NTNG1: variants seen among roughly 807,000 people sequenced by gnomAD.
NTNG1 encodes netrin-G1.
In NTNG1, 16 loss-of-function variants were observed where a neutral mutation model predicts 54.0. The ratio of observed to expected loss-of-function variants is 0.30; its 90% CI spans 0.20 to 0.45. The LOEUF is 0.45. Ranked by LOEUF, NTNG1 falls within the 20% of genes least tolerant of loss-of-function variation. NTNG1 has a pLI of 1.00. For missense variants in NTNG1, 530 were observed against 678.7 expected (o/e 0.78, Z 2.43); for synonymous variants, 255 against 263.1 (o/e 0.97, Z 0.30).
intron 2 of NTNG1, among the ~76,000 whole-genome samples, chr1:107,178,953 G>A (rs990947405): frequency 1.3e-5 from 2 of 152,172 alleles, no homozygotes; most frequent in African/African-American, 4.8e-5. Flanking sequence ...GTAGATCAAT[G>A]TCGCTGCTTG....
chr1:107,190,967 G>A (rs1377555321), intron 2 of NTNG1, among the ~76,000 whole-genome samples: 1 of 152,074 alleles, frequency 6.6e-6, no homozygotes, highest in African/African-American at 2.4e-5. Flanking sequence ...GGGTCAAATG[G>A]TATTTCTAGT....
chr1:107,290,429 C>A (rs1202793099), intron 2 of NTNG1, among the ~76,000 whole-genome samples: 1 of 151,986 alleles, frequency 6.6e-6, no homozygotes, highest in African/African-American at 2.4e-5. Context: ...GGACCCTGAC[C>A]CAAACACAGT....
rs3762369 is a variant in NTNG1 at position 107,394,975 on chromosome 1, C to T, written c.888-179C>T. On this transcript the variant is annotated intron_variant, in intron 3 of 7. Transcript: ENST00000370068. ...AGACTACATTGTAACAACCCTGCCC[C>T]CTGCAAACGGCTCTTTTGGGGAAGA... Among the ~76,000 whole-genome samples the T allele has an allele frequency of 0.012, 1,818 of 152,180 alleles. 92 individuals are homozygous for T. In the East Asian group the frequency reaches 0.18, roughly 15 times the overall value.
At chr1:107,245,813 C>G (rs1337241666) in intron 2 of NTNG1, among the ~76,000 whole-genome samples, 1 of 152,152 alleles carries the variant, frequency 6.6e-6, no homozygotes, top group Non-Finnish European at 1.5e-5. Context: ...TCACTATTTT[C>G]TCATCTATTA....
intron 2 of NTNG1, among the ~76,000 whole-genome samples, chr1:107,210,347 T>C (rs1659516915): frequency 6.6e-6 from 1 of 152,078 alleles, no homozygotes; most frequent in South Asian, 2.1e-4. Flanking sequence ...CAGTCAACAA[T>C]GATAAAGACT....
Position 107,480,595 on chromosome 1 carries a change from C to CAA in NTNG1, c.1391-16_1391-15insAA. ...CCCCGCGCCCACCCACCCCTACCTT[C>CAA]CCCCTCATTCTGCAGCGAATGTCTG... is the stretch of plus-strand genomic sequence containing the variant. On this transcript the variant is annotated splice_polypyrimidine_tract_variant and intron_variant, in intron 7 of 7. Transcript: ENST00000370068. 2.8e-6 allele frequency: 1 copy of CAA among 360,140 alleles called. No homozygotes were observed. The highest frequency in any genetic ancestry group is 5.3e-6 in the Non-Finnish European group (1 of 189,342). The allele number at this position is 360,140 out of a possible 1,614,324, so 22.3% of individuals were successfully genotyped here.
intron 7 of NTNG1, 38 bp from the exon 8 acceptor site, chr1:107,480,573 C>CCCG: frequency 2.3e-5 from 13 of 559,894 alleles, no homozygotes; most frequent in Non-Finnish European, 2.7e-5. Context: ...TTCTCCTCCC[C>CCCG]GCGCCCACCC....
intron 2 of NTNG1, among the ~76,000 whole-genome samples, chr1:107,232,064 T>C (rs1171321666): frequency 6.6e-6 from 1 of 152,156 alleles, no homozygotes; most frequent in Non-Finnish European, 1.5e-5. Flanking sequence ...CAGATCAAAT[T>C]CTAAGGTTAG....
chr1:107,455,217 C>G (rs1442410609), intron 7 of NTNG1, among the ~76,000 whole-genome samples: 2 of 152,212 alleles, frequency 1.3e-5, no homozygotes, highest in African/African-American at 4.8e-5. Context: ...GCATGTGCCA[C>G]CATGCCCGGC....
chr1:107,202,541 C>CT (rs1483572717), intron 2 of NTNG1, among the ~76,000 whole-genome samples: 1 of 151,610 alleles, frequency 6.6e-6, no homozygotes, highest in East Asian at 1.9e-4. Context: ...TCTTTGTTTG[C>CT]TTTTTATAAT....
intron 2 of NTNG1, among the ~76,000 whole-genome samples, chr1:107,208,545 C>T (rs954159232): frequency 1.3e-4 from 20 of 152,120 alleles, no homozygotes; most frequent in Non-Finnish European, 1.0e-4. Context: ...AACACACCTA[C>T]GCCCCATGTC....
chr1:107,452,414 G>A (rs658046), intron 7 of NTNG1, among the ~76,000 whole-genome samples: 2,891 of 152,278 alleles, frequency 0.019, 43 homozygotes, highest in South Asian at 0.046. Flanking sequence ...TTAAAACTCT[G>A]AAATTCAGTG....
At chr1:107,229,094 G>C (rs527307319) in intron 2 of NTNG1, among the ~76,000 whole-genome samples, 1 of 152,114 alleles carries the variant, frequency 6.6e-6, no homozygotes, top group East Asian at 1.9e-4. Context: ...GCGTAACCTA[G>C]CAAGTTGCTA....
intron 2 of NTNG1, among the ~76,000 whole-genome samples, chr1:107,241,661 C>G (rs554417302): frequency 3.3e-4 from 51 of 152,292 alleles, no homozygotes; most frequent in African/African-American, 1.2e-3. Context: ...CACAGTTCTA[C>G]CTGAAATACC....
intron 2 of NTNG1, among the ~76,000 whole-genome samples, chr1:107,265,514 A>G (rs1663676325): frequency 6.6e-6 from 1 of 152,200 alleles, no homozygotes. Context: ...ATTGTGAGTT[A>G]AGATTTGCAG....
At chr1:107,175,911 A>T (rs1382955762) in intron 2 of NTNG1, among the ~76,000 whole-genome samples, 1 of 152,200 alleles carries the variant, frequency 6.6e-6, no homozygotes, top group Non-Finnish European at 1.5e-5. Context: ...ATAGGATCAT[A>T]AGTAGTTTTA....
chr1:107,436,291 G>C (rs917886303), intron 6 of NTNG1, among the ~76,000 whole-genome samples: 1 of 152,148 alleles, frequency 6.6e-6, no homozygotes, highest in African/African-American at 2.4e-5. Flanking sequence ...AAGCCCATTT[G>C]AATAATTTAA....
At chr1:107,199,967 T>C (rs1453509537) in intron 2 of NTNG1, among the ~76,000 whole-genome samples, 1 of 151,914 alleles carries the variant, frequency 6.6e-6, no homozygotes, top group Non-Finnish European at 1.5e-5. Flanking sequence ...TGCTTTTATC[T>C]AGAATCTTTC....
Position 107,201,952 on chromosome 1 carries a change from T to C in NTNG1, c.246+53113T>C, listed in dbSNP as rs1658792037. ...ATTAATTCCTCTCTCCTCTGTTCTATAGTTTTACTGGATTATTCTGTTATA... is the reference window on the plus strand; with the variant it reads ...ATTAATTCCTCTCTCCTCTGTTCTACAGTTTTACTGGATTATTCTGTTATA... On this transcript the variant is annotated intron_variant, in intron 2 of 7. Coordinates refer to ENST00000370068, the MANE Select transcript of NTNG1 (RefSeq NM_001113226.3). Among the ~76,000 whole-genome samples, 3 of 151,930 alleles carry C rather than the reference T, an allele frequency of 2.0e-5. No individual in the cohort carries two copies. In the South Asian group the frequency reaches 6.2e-4, roughly 31 times the overall value.
Sources: allele counts gnomAD v4.1 joint callset (sites outside exome capture counted in the v4.1 genomes callset), GRCh38; gene constraint gnomAD v4.1.1; transcripts MANE v1.5; gene names NCBI Gene and HGNC (gene_info 2026-07-23, HGNC 2026-07-21).